GPC5: variants seen among roughly 807,000 people sequenced by gnomAD.
GPC5 encodes glypican-5.
In GPC5, 47 loss-of-function variants were observed where a neutral mutation model predicts 53.9. That is an observed-to-expected ratio of 0.87 (90% CI 0.69 to 1.11). The LOEUF (loss-of-function observed/expected upper bound fraction) is 1.11. Among genes scored for constraint, GPC5 ranks in the 50% most tolerant of loss-of-function variants. GPC5 has a pLI of 0.00. For missense variants in GPC5, 748 were observed against 713.1 expected, an observed-to-expected ratio of 1.05 and a Z score of -0.56; for synonymous variants, 286 against 263.3, an observed-to-expected ratio of 1.09 and a Z score of -0.84.
chr13:92,029,238 T>C lies in GPC5; in HGVS notation c.1402-115592T>C, dbSNP rs139406032. Reference sequence around the variant, plus strand: ...GAAAATGCCATTGCTTGAGCCTCTATACCATAATGAACATGCACTAGGTAT... The same window carrying C: ...GAAAATGCCATTGCTTGAGCCTCTACACCATAATGAACATGCACTAGGTAT... On this transcript the variant is annotated intron_variant, in intron 6 of 7. Coordinates refer to ENST00000377067, the MANE Select transcript of GPC5 (RefSeq NM_004466.6). Among the ~76,000 whole-genome samples, 29 of 152,284 alleles carry C rather than the reference T, an allele frequency of 1.9e-4. No homozygotes were observed. In the East Asian group the frequency reaches 4.1e-3, roughly 21 times the overall value.
intron 6 of GPC5, among the ~76,000 whole-genome samples, chr13:91,997,490 G>T (rs1428898385): frequency 6.6e-6 from 1 of 151,936 alleles, no homozygotes; most frequent in African/African-American, 2.4e-5. Flanking sequence ...CTTCCATGAT[G>T]ATTTGCCATT....
chr13:92,488,650 C>G (rs976073231), intron 7 of GPC5, among the ~76,000 whole-genome samples: 1 of 152,156 alleles, frequency 6.6e-6, no homozygotes, highest in East Asian at 1.9e-4. Flanking sequence ...CAAAGCCAGA[C>G]AGGAAATGCA....
At chr13:91,712,283 G>T (rs981339424) in intron 3 of GPC5, among the ~76,000 whole-genome samples, 2 of 151,302 alleles carry the variant, frequency 1.3e-5, no homozygotes, top group African/African-American at 4.9e-5. Flanking sequence ...CAAAAGCAAA[G>T]TTGTTTCCAG....
At chr13:92,148,856 A>G (rs936626905) in intron 7 of GPC5, among the ~76,000 whole-genome samples, 3 of 152,094 alleles carry the variant, frequency 2.0e-5, no homozygotes, top group African/African-American at 7.2e-5. Context: ...TTAGGTCTCT[A>G]AATCTGGATA....
At chr13:92,064,759 A>AAAAAAAAAAAAAAAAAAAAAAC (rs1566419687) in intron 6 of GPC5, among the ~76,000 whole-genome samples, 6 of 28,442 alleles carry the variant, frequency 2.1e-4, no homozygotes, top group Non-Finnish European at 3.1e-4. Flanking sequence ...TCCGTCTCAA[A>AAAAAAAAAAAAAAAAAAAAAAC]AAAAAAAAAC....
chr13:92,478,611 C>G (rs1417979553), intron 7 of GPC5, among the ~76,000 whole-genome samples: 2 of 152,004 alleles, frequency 1.3e-5, no homozygotes, highest in South Asian at 4.1e-4. Flanking sequence ...ATATGTAAAT[C>G]TATATCAGTT....
At chr13:91,480,329 A>G (rs1411685923) in intron 2 of GPC5, among the ~76,000 whole-genome samples, 1 of 152,222 alleles carries the variant, frequency 6.6e-6, no homozygotes, top group Non-Finnish European at 1.5e-5. Context: ...AAGACCAATC[A>G]ATTAATTTTC....
chr13:92,121,269 G>T (rs1482108558), intron 6 of GPC5, among the ~76,000 whole-genome samples: 2 of 152,266 alleles, frequency 1.3e-5, no homozygotes, highest in Non-Finnish European at 2.9e-5. Context: ...TAGTCACAGG[G>T]TGGGGAGTCA....
At chr13:92,163,067 A>C (rs1262060624) in intron 7 of GPC5, among the ~76,000 whole-genome samples, 2 of 152,212 alleles carry the variant, frequency 1.3e-5, no homozygotes, top group Admixed American at 6.5e-5. Flanking sequence ...ATGTTAAGTT[A>C]ATGTATGAAT....
intron 7 of GPC5, among the ~76,000 whole-genome samples, chr13:92,393,891 A>C (rs1461451094): frequency 1.3e-5 from 2 of 152,146 alleles, no homozygotes; most frequent in East Asian, 3.9e-4. Flanking sequence ...TTTTTATTTC[A>C]GTTAAAATTT....
intron 2 of GPC5, among the ~76,000 whole-genome samples, chr13:91,638,543 T>A (rs1184172100): frequency 6.6e-6 from 1 of 152,052 alleles, no homozygotes; most frequent in Non-Finnish European, 1.5e-5. Flanking sequence ...TTTTCATATT[T>A]TTAATAGAGA....
intron 6 of GPC5, among the ~76,000 whole-genome samples, chr13:92,041,563 GAC>G (rs2040942038): frequency 1.3e-5 from 2 of 152,212 alleles, no homozygotes; most frequent in South Asian, 4.1e-4. Flanking sequence ...ACTCATCCCT[GAC>G]AGTCTAGAAA....
chr13:92,231,407 T>G (rs2042529323), intron 7 of GPC5, among the ~76,000 whole-genome samples: 1 of 152,110 alleles, frequency 6.6e-6, no homozygotes, highest in Non-Finnish European at 1.5e-5. Flanking sequence ...CCCAATTCAA[T>G]ATAGTCAACA....
rs116211249 is a variant in GPC5, at chr13:92,774,466, T to C, written c.1562-91816T>C. Among the ~76,000 whole-genome samples, 104 of 152,294 alleles carry C rather than the reference T, an allele frequency of 6.8e-4. 1 individual carries two copies. Among genetic ancestry groups the C allele is most frequent in the African/African-American group, 2.2e-3 (92 of 41,566 alleles). The stretch of plus-strand genomic sequence containing the variant: ...TAATCTATAACTGAAGGATACATAG[T>C]TCCTACCCTCCTGGAGCTTGCAGGC... On this transcript the variant is annotated intron_variant, in intron 7 of 7. Coordinates refer to ENST00000377067, the MANE Select transcript of GPC5 (RefSeq NM_004466.6).
At chr13:91,820,109 G>A (rs1346373683) in intron 5 of GPC5, among the ~76,000 whole-genome samples, 42 of 151,928 alleles carry the variant, frequency 2.8e-4, no homozygotes, top group Admixed American at 3.3e-4. Flanking sequence ...TGTTGGTGGT[G>A]GTGGTGGTAT....
chr13:92,152,611 C>T (rs1000091451), intron 7 of GPC5, among the ~76,000 whole-genome samples: 4 of 151,922 alleles, frequency 2.6e-5, no homozygotes, highest in African/African-American at 7.2e-5. Flanking sequence ...TCGTGGCGGG[C>T]GCCTGTAGCC....
intron 7 of GPC5, among the ~76,000 whole-genome samples, chr13:92,845,060 A>G (rs1255163702): frequency 6.6e-6 from 1 of 152,044 alleles, no homozygotes; most frequent in African/African-American, 2.4e-5. Context: ...TGTTGAAATA[A>G]TCGTTCTATG....
intron 5 of GPC5, among the ~76,000 whole-genome samples, chr13:91,844,111 G>T (rs2138877406): frequency 6.6e-6 from 1 of 152,276 alleles, no homozygotes; most frequent in East Asian, 1.9e-4. Flanking sequence ...GAATGGAACA[G>T]ATGCTCCAGC....
At chr13:92,298,837 GC>G (rs1235008816) in intron 7 of GPC5, among the ~76,000 whole-genome samples, 1 of 152,124 alleles carries the variant, frequency 6.6e-6, no homozygotes, top group Admixed American at 6.6e-5. Flanking sequence ...ATCTCGTCCT[GC>G]CTCTCGTCCG....
Sources: allele counts gnomAD v4.1 joint callset (sites outside exome capture counted in the v4.1 genomes callset), GRCh38; gene constraint gnomAD v4.1.1; transcripts MANE v1.5; gene names NCBI Gene and HGNC (gene_info 2026-07-23, HGNC 2026-07-21).